Variants in PI4KA observed in about 807,000 individuals in gnomAD.
PI4KA encodes PI4-kinase alpha.
In PI4KA, 122 loss-of-function variants were observed where a neutral mutation model predicts 271.4. That is an observed-to-expected ratio of 0.45 (90% CI 0.39 to 0.52). PI4KA has a LOEUF of 0.52. PI4KA is among the 20% of genes least tolerant of loss of function. The probability of loss-of-function intolerance (pLI) is 0.00; values close to 1 mark genes in which losing one functional copy is unlikely to be tolerated. For missense variants in PI4KA, 1,969 were observed against 2,769.1 expected (o/e 0.71, Z 6.48); for synonymous variants, 1,041 against 1,078.8 (o/e 0.96, Z 0.69).
chr22:20,785,986 C>G (rs1370343545), intron 19 of PI4KA: 1 of 1,614,136 alleles, frequency 6.2e-7, no homozygotes, highest in South Asian at 1.1e-5. Context: ...CTGGGCCCCC[C>G]TTTCCTTTTC....
intron 23 of PI4KA, among the ~76,000 whole-genome samples, chr22:20,754,297 C>T (rs757727688): frequency 1.3e-5 from 2 of 151,988 alleles, no homozygotes; most frequent in Admixed American, 6.6e-5. Context: ...CTATGTAGCC[C>T]AGGCTGGTCT....
chr22:20,776,092 C>T (rs1342630487), intron 19 of PI4KA, among the ~76,000 whole-genome samples: 2 of 152,096 alleles, frequency 1.3e-5, no homozygotes, highest in South Asian at 2.1e-4. Context: ...GAGGCCAAGG[C>T]AGGAGAATTG....
intron 45 of PI4KA, among the ~76,000 whole-genome samples, chr22:20,716,047 G>A (rs1925962444): frequency 6.6e-6 from 1 of 151,558 alleles, no homozygotes. Flanking sequence ...GCGCCACCAT[G>A]CCTGGTTAGT....
intron 1 of PI4KA, among the ~76,000 whole-genome samples, chr22:20,839,928 T>G (rs1271791252): frequency 6.6e-6 from 1 of 152,208 alleles, no homozygotes; most frequent in Non-Finnish European, 1.5e-5. Flanking sequence ...TATACTATAA[T>G]AGTGGCTAGT....
At chr22:20,786,724 C>CA (rs1471075365) in intron 19 of PI4KA, 1 of 814,450 alleles carries the variant, frequency 1.2e-6, no homozygotes, top group Non-Finnish European at 2.0e-6. Context: ...CAGGTGGTGA[C>CA]AGATATTTTC....
intron 19 of PI4KA, among the ~76,000 whole-genome samples, chr22:20,792,878 C>A (rs1342281287): frequency 6.6e-6 from 1 of 152,218 alleles, no homozygotes; most frequent in Non-Finnish European, 1.5e-5. Flanking sequence ...GTCACAAGGG[C>A]ATGAGACACA....
At chr22:20,834,436 G>T in intron 3 of PI4KA, 126 bp downstream of exon 3, 1 of 706,254 alleles carries the variant, frequency 1.4e-6, no homozygotes, top group Non-Finnish European at 2.6e-6. Context: ...GCTGCAGGCA[G>T]TTGTTTCCCA....
At chr22:20,837,377 T>C (rs1368344900) in intron 2 of PI4KA, among the ~76,000 whole-genome samples, 1 of 117,196 alleles carries the variant, frequency 8.5e-6, no homozygotes, top group East Asian at 2.6e-4. Context: ...ACTCTAAGAA[T>C]AAATAAATAA....
chr22:20,726,184 G>A (rs1375503350), intron 42 of PI4KA: 2 of 312,192 alleles, frequency 6.4e-6, no homozygotes, highest in African/African-American at 4.4e-5. Flanking sequence ...GCAGGATTCA[G>A]GGATTTGAGG....
chr22:20,805,781 A>C (rs1269904097), intron 10 of PI4KA, among the ~76,000 whole-genome samples: 3 of 151,160 alleles, frequency 2.0e-5, no homozygotes, highest in African/African-American at 7.3e-5. Context: ...GCAGTGAGCC[A>C]AGATCGTGCC....
At position 20,843,684 on chromosome 22, in the gene PI4KA, C is replaced by T. The variant is rs114249526; in HGVS notation, c.157-4953G>A. Among the ~76,000 whole-genome samples the T allele has an allele frequency of 9.9e-3, 1,505 of 152,220 alleles. 30 individuals carry two copies. Among genetic ancestry groups the T allele is most frequent in the African/African-American group, 0.035 (1,435 of 41,518 alleles). On this transcript the variant is annotated intron_variant, in intron 1 of 54. Transcript: ENST00000255882. ...CAGCAAACGTTCACTTTCAGGCAGG[C>T]CATGTGTTATCCTATTCCTGTTTTA... is the stretch of plus-strand genomic sequence containing the variant.
At position 20,707,811 on chromosome 22, in the gene PI4KA, C is replaced by G. The variant is rs1924691941; in HGVS notation, c.*236G>C. 3 of 604,706 alleles carry G rather than the reference C, an allele frequency of 5.0e-6. No homozygotes were observed. The highest frequency in any genetic ancestry group is 5.8e-5 in the Admixed American group (2 of 34,652). The allele number at this position is 604,706 out of a possible 1,614,324, so 37.5% of individuals were successfully genotyped here. On this transcript the variant is annotated 3_prime_UTR_variant, in exon 55 of 55. Coordinates refer to ENST00000255882, the MANE Select transcript of PI4KA (RefSeq NM_058004.4). ...AGACAGGTAGGGAATATGTCCAGTG[C>G]AAACAGAGGACTCACACCTGTGCAT...
Position 20,804,341 on chromosome 22 carries a change from C to T in PI4KA, c.1420G>A (p.Val474Ile). The T allele has an allele frequency of 6.2e-7, 1 of 1,614,082 alleles. No individual in the cohort carries two copies. ...AGCAGGGGCAAGTGAGCAATAATGACTTTGCTGGACGTCTTGGACTGCAGC... is the reference window on the plus strand; with the variant it reads ...AGCAGGGGCAAGTGAGCAATAATGATTTTGCTGGACGTCTTGGACTGCAGC... ...EKLQSKTSSK[V>I]IIAHLPLLIC... The change falls in exon 12 of 55, where the codon GTC (valine) becomes ATC (isoleucine). Residue 474 changes from valine to isoleucine, a missense_variant. This residue lies in a region of PI4KA where 228 missense variants were observed against 261.6 expected (regional missense o/e 0.87). Coordinates refer to ENST00000255882, the MANE Select transcript of PI4KA (RefSeq NM_058004.4).
Position 20,765,578 on chromosome 22 carries a change from C to A in PI4KA, c.2437+7G>T, listed in dbSNP as rs755918121. ...CGTCTTCACTGGGAGAGAGATGATC[C>A]CCCTACCTGAGCCCTCCACAGCGAA... is the stretch of plus-strand genomic sequence containing the variant. On this transcript the variant is annotated splice_region_variant and intron_variant, in intron 20 of 54. Coordinates refer to ENST00000255882, the MANE Select transcript of PI4KA (RefSeq NM_058004.4). The A allele has an allele frequency of 7.0e-6, 11 of 1,561,170 alleles. No individual in the cohort carries two copies. Among genetic ancestry groups the A allele is most frequent in the African/African-American group, 1.4e-5 (1 of 73,978 alleles).
intron 19 of PI4KA, among the ~76,000 whole-genome samples, chr22:20,768,638 C>T (rs780472670): frequency 2.7e-4 from 41 of 152,118 alleles, no homozygotes; most frequent in Admixed American, 7.2e-4. Context: ...GTGCAGGTGC[C>T]GGTCCAGGGC....
chr22:20,711,516 C>G (rs1312884967), intron 50 of PI4KA, 55 bp from the exon 51 acceptor site: 1 of 1,116,962 alleles, frequency 9.0e-7, no homozygotes, highest in Non-Finnish European at 1.3e-6. Flanking sequence ...GGGCATTCTC[C>G]CTGGTCCCAC....
intron 23 of PI4KA, among the ~76,000 whole-genome samples, chr22:20,756,393 T>C (rs1931308603): frequency 6.6e-6 from 1 of 152,002 alleles, no homozygotes; most frequent in Non-Finnish European, 1.5e-5. Flanking sequence ...GCTAATTTTG[T>C]ATTTTCAGTA....
At chr22:20,812,776 G>A (rs1251582735) in intron 8 of PI4KA, among the ~76,000 whole-genome samples, 2 of 152,052 alleles carry the variant, frequency 1.3e-5, no homozygotes, top group Admixed American at 6.6e-5. Flanking sequence ...GGCTAGTCTC[G>A]AACTCCTGAC....
intron 1 of PI4KA, among the ~76,000 whole-genome samples, chr22:20,854,131 T>G (rs766111596): frequency 2.0e-5 from 3 of 151,160 alleles, no homozygotes; most frequent in Non-Finnish European, 4.4e-5. Context: ...AGTAATTTTG[T>G]TTTTTTTGAG....
Sources: gnomAD v4.1 joint callset for allele counts (sites outside exome capture counted in the v4.1 genomes callset) on GRCh38, gnomAD v4.1.1 for gene constraint, gnomAD v4.1.1 regional missense constraint, MANE v1.5 for transcripts, NCBI Gene and HGNC (gene_info 2026-07-23, HGNC 2026-07-21) for gene names.